The following BRINP3 variants were observed in gnomAD, a reference collection of about 807,000 sequenced individuals.
BRINP3 encodes the protein BMP/retinoic acid inducible neural specific 3.
BRINP3 carries 19 observed loss-of-function variants against 71.0 expected under a neutral mutation model. The ratio of observed to expected loss-of-function variants is 0.27; its 90% CI spans 0.19 to 0.39. BRINP3 has a LOEUF of 0.39. Ranked by LOEUF, BRINP3 falls within the 10% of genes least tolerant of loss-of-function variation. The pLI is 1.00. For synonymous variants in BRINP3, 380 were observed against 337.7 expected, an observed-to-expected ratio of 1.13 and a Z score of -1.37; for missense variants, 959 against 940.8, an observed-to-expected ratio of 1.02 and a Z score of -0.25.
intron 2 of BRINP3, among the ~76,000 whole-genome samples, chr1:190,350,834 T>C (rs1467487988): frequency 1.3e-5 from 2 of 151,920 alleles, no homozygotes; most frequent in African/African-American, 4.8e-5. Flanking sequence ...TTTTTTTTTT[T>C]TTTTTTAGAC....
intron 2 of BRINP3, among the ~76,000 whole-genome samples, chr1:190,446,891 A>G (rs966385308): frequency 6.6e-6 from 1 of 152,076 alleles, no homozygotes; most frequent in Non-Finnish European, 1.5e-5. Flanking sequence ...ATGCAAAGCC[A>G]GTGCCTTTGA....
intron 2 of BRINP3, among the ~76,000 whole-genome samples, chr1:190,420,344 G>A (rs1298578967): frequency 2.0e-5 from 3 of 151,956 alleles, no homozygotes; most frequent in Admixed American, 6.6e-5. Context: ...GTCAGAGCTT[G>A]GAAGAATGCA....
intron 2 of BRINP3, among the ~76,000 whole-genome samples, chr1:190,406,641 A>T (rs745346361): frequency 1.3e-5 from 2 of 152,148 alleles, no homozygotes; most frequent in Non-Finnish European, 2.9e-5. Context: ...CTGAGAACGC[A>T]GTTTTATCAT....
intron 1 of BRINP3, among the ~76,000 whole-genome samples, chr1:190,468,623 G>T (rs1676923943): frequency 6.6e-6 from 1 of 150,892 alleles, no homozygotes; most frequent in Non-Finnish European, 1.5e-5. Context: ...TTACATTTTT[G>T]ACCAAAATAT....
intron 2 of BRINP3, among the ~76,000 whole-genome samples, chr1:190,412,047 A>C (rs1453794853): frequency 6.6e-6 from 1 of 152,132 alleles, no homozygotes; most frequent in African/African-American, 2.4e-5. Flanking sequence ...TGCTTCTCCC[A>C]TAGCCTACTT....
intron 2 of BRINP3, among the ~76,000 whole-genome samples, chr1:190,296,651 T>C (rs988428766): frequency 6.6e-6 from 1 of 152,014 alleles, no homozygotes; most frequent in African/African-American, 2.4e-5. Context: ...TGACGTAATC[T>C]TACACAAAGA....
intron 2 of BRINP3, among the ~76,000 whole-genome samples, chr1:190,419,688 T>TACACACAC (rs1444173453): frequency 2.2e-5 from 2 of 91,206 alleles, no homozygotes; most frequent in Non-Finnish European, 4.9e-5. Flanking sequence ...CATATACATT[T>TACACACAC]ATACACACAC....
chr1:190,415,902 G>T (rs745643627), intron 2 of BRINP3, among the ~76,000 whole-genome samples: 1 of 151,960 alleles, frequency 6.6e-6, no homozygotes, highest in Non-Finnish European at 1.5e-5. Context: ...GTAAGAACTC[G>T]TTTCTTAAAT....
At chr1:190,443,760 C>A (rs778482797) in intron 2 of BRINP3, among the ~76,000 whole-genome samples, 1 of 152,144 alleles carries the variant, frequency 6.6e-6, no homozygotes, top group African/African-American at 2.4e-5. Context: ...CATCTGACAG[C>A]GACTTCTAGT....
intron 2 of BRINP3, among the ~76,000 whole-genome samples, chr1:190,402,851 C>G (rs942376718): frequency 6.6e-6 from 1 of 152,146 alleles, no homozygotes; most frequent in African/African-American, 2.4e-5. Flanking sequence ...CCCACTTCAG[C>G]CTCCTGAGGA....
chr1:190,103,888 T>C, intron 7 of BRINP3, among the ~76,000 whole-genome samples: 1 of 150,974 alleles, frequency 6.6e-6, no homozygotes, highest in East Asian at 1.9e-4. Flanking sequence ...GGTGAACATC[T>C]CTCATTCTGG....
At chr1:190,248,767 T>C (rs1160916332) in intron 4 of BRINP3, among the ~76,000 whole-genome samples, 3 of 151,462 alleles carry the variant, frequency 2.0e-5, no homozygotes, top group Non-Finnish European at 4.4e-5. Context: ...CACACACTCA[T>C]ACACTCACAA....
intron 2 of BRINP3, among the ~76,000 whole-genome samples, chr1:190,317,667 A>G (rs1665976729): frequency 1.3e-5 from 2 of 152,120 alleles, no homozygotes; most frequent in Non-Finnish European, 2.9e-5. Flanking sequence ...AACAATTATC[A>G]TATTCCAAAT....
chr1:190,454,609 C>A (rs1156750715), intron 2 of BRINP3, 46 bp downstream of exon 2: 1 of 1,516,536 alleles, frequency 6.6e-7, no homozygotes, highest in South Asian at 1.2e-5. Context: ...GTATACACAA[C>A]CTTCAAGGAT....
chr1:190,213,433 G>A (rs1020417763), intron 6 of BRINP3, among the ~76,000 whole-genome samples: 5 of 151,916 alleles, frequency 3.3e-5, no homozygotes, highest in African/African-American at 9.7e-5. Context: ...TCTGACATAC[G>A]ACCTCAAACT....
chr1:190,375,328 T>C (rs900058243), intron 2 of BRINP3, among the ~76,000 whole-genome samples: 1 of 151,804 alleles, frequency 6.6e-6, no homozygotes, highest in Non-Finnish European at 1.5e-5. Flanking sequence ...TATTCAATAA[T>C]AGTGTAAAAG....
rs770090687 is a variant in BRINP3 at position 190,254,890 on chromosome 1, T to C, written c.618+9975A>G. Among the ~76,000 whole-genome samples the C allele has an allele frequency of 2.6e-5, 4 of 152,338 alleles. No homozygotes were observed. The East Asian group carries it at 7.7e-4, about 29-fold the overall frequency. On this transcript the variant is annotated intron_variant, in intron 4 of 7. Transcript: ENST00000367462. Reference sequence around the variant, plus strand: ...ATGCTTCCAGTTTTTGCCCATTCAGTATGATATTGTCTGAGTTTGCCATAA... The same window carrying C: ...ATGCTTCCAGTTTTTGCCCATTCAGCATGATATTGTCTGAGTTTGCCATAA...
rs529163002 is a variant in BRINP3 at position 190,330,474 on chromosome 1, A to C, written c.237-48724T>G. The stretch of plus-strand genomic sequence containing the variant: ...CATAATGAGTTTTATTAAACAGCAA[A>C]AAATAACAGCTGCTGGCAAGGCTGT... On this transcript the variant is annotated intron_variant, in intron 2 of 7. Coordinates refer to ENST00000367462, the MANE Select transcript of BRINP3 (RefSeq NM_199051.3). Among the ~76,000 whole-genome samples, 141 of 152,160 alleles carry C rather than the reference A, an allele frequency of 9.3e-4. 1 individual carries two copies. Among genetic ancestry groups the C allele is most frequent in the Non-Finnish European group, 1.5e-3 (102 of 67,962 alleles).
chr1:190,457,542 G>A (rs997264043), intron 1 of BRINP3, among the ~76,000 whole-genome samples: 2 of 152,008 alleles, frequency 1.3e-5, no homozygotes, highest in African/African-American at 2.4e-5. Context: ...TCTTTTGTGC[G>A]TCAGATTCCT....
Sources: gnomAD v4.1 joint callset for allele counts (sites outside exome capture counted in the v4.1 genomes callset) on GRCh38, gnomAD v4.1.1 for gene constraint, MANE v1.5 for transcripts, NCBI Gene and HGNC (gene_info 2026-07-23, HGNC 2026-07-21) for gene names.